CPNE8: variants seen among roughly 807,000 people sequenced by gnomAD.
The protein encoded by CPNE8 is copine-8.
A neutral mutation model predicts 81.5 loss-of-function variants in CPNE8; 45 were observed. The ratio of observed to expected loss-of-function variants is 0.55; its 90% CI spans 0.44 to 0.71. CPNE8 has a LOEUF of 0.71. CPNE8 is among the 30% of genes least tolerant of loss of function. The probability of loss-of-function intolerance (pLI) is 0.00; values close to 1 mark genes in which losing one functional copy is unlikely to be tolerated. For synonymous variants in CPNE8, 252 were observed against 226.3 expected, an observed-to-expected ratio of 1.11 and a Z score of -1.02; for missense variants, 594 against 672.1, an observed-to-expected ratio of 0.88 and a Z score of 1.28.
At chr12:38,903,445 C>T (rs1372809641) in intron 1 of CPNE8, among the ~76,000 whole-genome samples, 1 of 152,136 alleles carries the variant, frequency 6.6e-6, no homozygotes, top group Non-Finnish European at 1.5e-5. Flanking sequence ...AAACAAATTG[C>T]CTTAAGCCAA....
At chr12:38,703,155 T>C (rs1213121990) in intron 13 of CPNE8, among the ~76,000 whole-genome samples, 1 of 152,106 alleles carries the variant, frequency 6.6e-6, no homozygotes, top group Non-Finnish European at 1.5e-5. Flanking sequence ...AAAACTAAAG[T>C]CTCGGGAATA....
intron 6 of CPNE8, among the ~76,000 whole-genome samples, chr12:38,776,739 A>G (rs2136892697): frequency 6.6e-6 from 1 of 152,272 alleles, no homozygotes; most frequent in African/African-American, 2.4e-5. Context: ...TCATCTAATT[A>G]TGTTTCAGTA....
intron 6 of CPNE8, among the ~76,000 whole-genome samples, chr12:38,806,238 C>T (rs1942798390): frequency 6.7e-6 from 1 of 150,204 alleles, no homozygotes; most frequent in African/African-American, 2.4e-5. Flanking sequence ...AGGGAATCCT[C>T]CCTAACTCAT....
At chr12:38,687,370 CTTTCTTTTTTT>C (rs761265922) in intron 15 of CPNE8, among the ~76,000 whole-genome samples, 1 of 95,494 alleles carries the variant, frequency 1.0e-5, no homozygotes, top group Admixed American at 1.3e-4. Flanking sequence ...AATGCCAAGA[CTTTCTTTTTTT>C]TTTTTTTTTT....
At chr12:38,779,731 T>C (rs1358369874) in intron 6 of CPNE8, among the ~76,000 whole-genome samples, 1 of 152,120 alleles carries the variant, frequency 6.6e-6, no homozygotes, top group Non-Finnish European at 1.5e-5. Context: ...GCTCGTTTTA[T>C]AATATTAAAA....
intron 10 of CPNE8, among the ~76,000 whole-genome samples, chr12:38,742,702 AT>A (rs1334090731): frequency 2.0e-4 from 29 of 141,632 alleles, no homozygotes; most frequent in East Asian, 6.0e-4. Flanking sequence ...AAATAAATAA[AT>A]AAATAAATAT....
intron 15 of CPNE8, among the ~76,000 whole-genome samples, chr12:38,690,608 A>T (rs2136667959): frequency 6.6e-6 from 1 of 152,282 alleles, no homozygotes; most frequent in South Asian, 2.1e-4. Context: ...ATCATTCCTT[A>T]GCAGTAGATA....
At chr12:38,815,537 GT>G (rs1193504060) in intron 6 of CPNE8, among the ~76,000 whole-genome samples, 4 of 152,106 alleles carry the variant, frequency 2.6e-5, no homozygotes, top group African/African-American at 4.8e-5. Context: ...TTTCTATGCA[GT>G]TTTTTATTTT....
chr12:38,681,396 AC>A (rs1175843878), intron 16 of CPNE8, among the ~76,000 whole-genome samples: 2 of 152,126 alleles, frequency 1.3e-5, no homozygotes, highest in African/African-American at 4.8e-5. Context: ...AGTATTTTAG[AC>A]ATTCAACATA....
At chr12:38,762,529 G>A (rs769012884) in intron 8 of CPNE8, among the ~76,000 whole-genome samples, 2 of 152,194 alleles carry the variant, frequency 1.3e-5, no homozygotes, top group East Asian at 1.9e-4. Context: ...CTAAGAATAT[G>A]AGGATCACCA....
chr12:38,803,545 A>C (rs1306675284), intron 6 of CPNE8, among the ~76,000 whole-genome samples: 1 of 138,010 alleles, frequency 7.2e-6, no homozygotes, highest in Admixed American at 7.5e-5. Context: ...ACCCACAGCC[A>C]ATATCATACT....
In CPNE8 at chr12:38,653,941, G is replaced by C; in HGVS notation, c.1636C>G (p.Pro546Ala). Residue 546 changes from proline (P) to alanine (A), a missense_variant, in exon 20 of 20, where the codon CCA becomes GCA. Transcript: ENST00000331366. ...LSYMRARGIK[P>A]SPAPPPYTPP... ...GTGTATGGGGGAGGCGCAGGTGATG[G>C]CTTGATTCCTCGGGCTCTCATATAG... The C allele has an allele frequency of 1.2e-6, 2 of 1,613,652 alleles. No individual in the cohort carries two copies. Among genetic ancestry groups the C allele is most frequent in the African/African-American group, 2.7e-5 (2 of 75,016 alleles).
rs186167873 is a variant in CPNE8 at position 38,744,188 on chromosome 12, T to C, written c.723-13830A>G. Among the ~76,000 whole-genome samples, 316 of 152,282 alleles carry C rather than the reference T, an allele frequency of 2.1e-3. 2 individuals carry two copies. The highest frequency in any genetic ancestry group is 5.1e-3 in the African/African-American group (212 of 41,558). On this transcript the variant is annotated intron_variant, in intron 10 of 19. Transcript: ENST00000331366. The stretch of plus-strand genomic sequence containing the variant: ...CACAGAGAGGTCTTGGAAACATCTG[T>C]GTCTGTTGGGAAGCATGAACTAAAC...
intron 6 of CPNE8, among the ~76,000 whole-genome samples, chr12:38,818,250 G>T (rs1024903881): frequency 1.3e-5 from 2 of 152,018 alleles, no homozygotes; most frequent in Non-Finnish European, 2.9e-5. Context: ...AGCCCCACAT[G>T]CATTAGGTGT....
At chr12:38,887,989 CTTT>C (rs1944260166) in intron 1 of CPNE8, among the ~76,000 whole-genome samples, 1 of 152,206 alleles carries the variant, frequency 6.6e-6, no homozygotes, top group South Asian at 2.1e-4. Flanking sequence ...GATTAGCAGT[CTTT>C]TAGGGTTTAT....
intron 16 of CPNE8, among the ~76,000 whole-genome samples, chr12:38,677,820 A>G (rs1374030983): frequency 6.6e-6 from 1 of 151,952 alleles, no homozygotes; most frequent in Non-Finnish European, 1.5e-5. Context: ...ATGAGTGACT[A>G]TTTAGTACAA....
intron 1 of CPNE8, among the ~76,000 whole-genome samples, chr12:38,883,085 G>C (rs1371178324): frequency 6.6e-6 from 1 of 152,132 alleles, no homozygotes; most frequent in Non-Finnish European, 1.5e-5. Context: ...GCTGAGCTGG[G>C]CATTTAAATA....
At chr12:38,656,686 C>A (rs1565556346) in intron 19 of CPNE8, among the ~76,000 whole-genome samples, 1 of 152,170 alleles carries the variant, frequency 6.6e-6, no homozygotes, top group South Asian at 2.1e-4. Context: ...GGCTTCATGG[C>A]AAATTCCACC....
chr12:38,656,752 G>A (rs966035477), intron 19 of CPNE8, among the ~76,000 whole-genome samples: 2 of 152,056 alleles, frequency 1.3e-5, no homozygotes, highest in Non-Finnish European at 2.9e-5. Flanking sequence ...AAATTGAAGC[G>A]GGGAGCTCTC....
Sources: allele counts gnomAD v4.1 joint callset (sites outside exome capture counted in the v4.1 genomes callset), GRCh38; gene constraint gnomAD v4.1.1; transcripts MANE v1.5; gene names NCBI Gene and HGNC (gene_info 2026-07-23, HGNC 2026-07-21).